Variants in RARS2 observed in about 807,000 individuals in gnomAD.
RARS2 encodes probable arginine--tRNA ligase, mitochondrial.
RARS2 carries 67 observed loss-of-function variants against 88.5 expected under a neutral mutation model. The ratio of observed to expected loss-of-function variants is 0.76; its 90% CI spans 0.62 to 0.93. RARS2 has a LOEUF of 0.93. Among genes scored for constraint, RARS2 ranks in the 40% least tolerant of loss-of-function variants. RARS2 has a pLI of 0.00. For synonymous variants in RARS2, 239 were observed against 230.3 expected (o/e 1.04, Z -0.34); for missense variants, 664 against 684.2 (o/e 0.97, Z 0.33).
intron 8 of RARS2, among the ~76,000 whole-genome samples, chr6:87,541,526 T>C (rs1450642635): frequency 6.6e-6 from 1 of 152,082 alleles, no homozygotes; most frequent in African/African-American, 2.4e-5. Context: ...AAGAACATAT[T>C]TTTTAAACCT....
At chr6:87,587,169 G>T (rs1254212690) in intron 1 of RARS2, among the ~76,000 whole-genome samples, 1 of 152,064 alleles carries the variant, frequency 6.6e-6, no homozygotes, top group Non-Finnish European at 1.5e-5. Flanking sequence ...ATAGGCATGA[G>T]CCACCATACC....
rs2128173641 is a variant in RARS2 at position 87,564,198 on chromosome 6, A to G, written c.145T>C (p.Leu49=). The G allele has an allele frequency of 6.2e-7, 1 of 1,613,714 alleles. No homozygotes were observed. The highest frequency in any genetic ancestry group is 2.2e-5 in the East Asian group (1 of 44,860). The change falls in exon 3 of 20, where the codon TTA becomes CTA. Residue 49 remains leucine (L), a synonymous_variant. Transcript: ENST00000369536. ...VADFQLSVDS[L]LEKDNDHSRP... Reference sequence around the variant, plus strand: ...GAATGGTCATTGTCTTTTTCCAATAAAGAATCCACAGAAAGCTGAAAATCA... The same window carrying G: ...GAATGGTCATTGTCTTTTTCCAATAGAGAATCCACAGAAAGCTGAAAATCA...
In RARS2 at chr6:87,555,423, A is replaced by G. The variant is rs756676518; in HGVS notation, c.380T>C (p.Ile127Thr). The stretch of plus-strand genomic sequence containing the variant: ...GCACCCTCACCTGAATTCAACCACA[A>G]TCTTCTTCTGGGGAAGTCCAGAGAA... Reference protein sequence around the residue: ...ELFSGLPQKKIVVEFSSPNVA... With the variant: ...ELFSGLPQKKTVVEFSSPNVA... The change falls in exon 5 of 20, where the codon ATT (isoleucine) becomes ACT (threonine). Residue 127 changes from isoleucine (I) to threonine (T), a missense_variant. By Grantham distance (89) the Ile-to-Thr change is moderately conservative. Transcript: ENST00000369536. 6 of 1,613,530 alleles carry G rather than the reference A, an allele frequency of 3.7e-6. No homozygotes were observed. The highest frequency in any genetic ancestry group is 1.3e-5 in the African/African-American group (1 of 74,874).
chr6:87,565,203 C>T (rs528041275), intron 2 of RARS2, among the ~76,000 whole-genome samples: 1 of 152,282 alleles, frequency 6.6e-6, no homozygotes, highest in Non-Finnish European at 1.5e-5. Context: ...TTCTACAATG[C>T]TTCCTCTACT....
At chr6:87,584,836 T>C (rs951518016) in intron 1 of RARS2, 4 of 361,922 alleles carry the variant, frequency 1.1e-5, no homozygotes, top group African/African-American at 8.7e-5. Context: ...CTATGGTATA[T>C]ACCATAGAGA....
chr6:87,566,827 CCA>C, intron 2 of RARS2, among the ~76,000 whole-genome samples: 1 of 121,228 alleles, frequency 8.2e-6, no homozygotes, highest in East Asian at 2.5e-4. Flanking sequence ...GCCTCAGCAA[CCA>C]ACAGAGCTAG....
In RARS2 at chr6:87,524,590, A is replaced by AT. The variant is rs2128035798; in HGVS notation, c.940dup (p.Met314AsnfsTer4). 2.5e-6 allele frequency: 4 copies of AT among 1,613,524 alleles called. No individual in the cohort carries two copies. Among genetic ancestry groups the AT allele is most frequent in the Non-Finnish European group, 3.4e-6 (4 of 1,179,496 alleles). ...ATAGAGAGAAGTCCCATCACTTCGC[A>AT]TTACAGTACAAATTGAGGAGGGGTC... is the stretch of plus-strand genomic sequence containing the variant. On this transcript the variant is annotated frameshift_variant, in exon 11 of 20. Transcript: ENST00000369536. LOFTEE classifies it high-confidence loss of function.
chr6:87,528,742 T>A (rs1192506845), intron 10 of RARS2, among the ~76,000 whole-genome samples: 1 of 152,226 alleles, frequency 6.6e-6, no homozygotes, highest in Admixed American at 6.5e-5. Flanking sequence ...AATGGGGAGA[T>A]GTTGGTTAAA....
chr6:87,550,116 GTATT>G lies in RARS2; in HGVS notation c.396-1474_396-1471del, dbSNP rs549889759. The stretch of plus-strand genomic sequence containing the variant: ...ATTATGAAATTATGAAACTACACAC[GTATT>G]TATTTAATCATTGTTTAGAAAGAAA... On this transcript the variant is annotated intron_variant, in intron 5 of 19. Transcript: ENST00000369536. 1.6e-4 allele frequency among the ~76,000 whole-genome samples: 25 copies of G among 152,144 alleles called. No homozygotes were observed. In the South Asian group the frequency reaches 4.3e-3, roughly 26 times the overall value.
chr6:87,520,039 T>A, intron 13 of RARS2, 141 bp downstream of exon 13: 1 of 800,750 alleles, frequency 1.2e-6, no homozygotes, highest in Non-Finnish European at 2.1e-6. Context: ...AACCAAGACA[T>A]AATACAAAAA....
chr6:87,570,203 G>A (rs893110553), intron 1 of RARS2, among the ~76,000 whole-genome samples: 5 of 152,096 alleles, frequency 3.3e-5, no homozygotes, highest in Admixed American at 1.3e-4. Context: ...ACAAAGTCTC[G>A]CTATGTTGCC....
rs2128058390 is a variant in RARS2, at chr6:87,529,798, A to C, written c.772-150T>G. The C allele has an allele frequency of 9.1e-6, 6 of 659,526 alleles. No individual in the cohort carries two copies. The South Asian group carries it at 9.9e-5, about 11-fold the overall frequency. 40.9% of individuals were successfully genotyped at this position (659,526 alleles called of 1,614,324 possible). ...GGGCTGAGTGTGGTGGCTCATGCCC[A>C]TAATCCCAGCACTTTGGGAGGCTGA... On this transcript the variant is annotated intron_variant, in intron 9 of 19. Coordinates refer to ENST00000369536, the MANE Select transcript of RARS2 (RefSeq NM_020320.5).
At chr6:87,519,323 CACCTAG>C (rs1371900826) in intron 14 of RARS2, 3 of 422,226 alleles carry the variant, frequency 7.1e-6, no homozygotes, top group Non-Finnish European at 1.3e-5. Flanking sequence ...TTCACGTAAT[CACCTAG>C]ACAACAGAAT....
chr6:87,585,337 T>G (rs2128227810), intron 1 of RARS2, among the ~76,000 whole-genome samples: 1 of 152,206 alleles, frequency 6.6e-6, no homozygotes, highest in African/African-American at 2.4e-5. Context: ...CTAAAACAAG[T>G]AAAACAAAAC....
At chr6:87,542,883 G>A (rs4637609) in intron 7 of RARS2, among the ~76,000 whole-genome samples, 10,215 of 150,002 alleles carry the variant, frequency 0.068, 386 homozygotes, top group East Asian at 0.094. Flanking sequence ...GTTAATGGGT[G>A]CAGCACACCA....
chr6:87,528,992 T>C (rs1390477439), intron 10 of RARS2, among the ~76,000 whole-genome samples: 2 of 152,184 alleles, frequency 1.3e-5, no homozygotes, highest in African/African-American at 4.8e-5. Context: ...CAATATGTCA[T>C]TCATCAATTA....
At chr6:87,573,152 G>A (rs1446088227) in intron 1 of RARS2, among the ~76,000 whole-genome samples, 1 of 152,158 alleles carries the variant, frequency 6.6e-6, no homozygotes, top group African/African-American at 2.4e-5. Context: ...TCCACAGGCT[G>A]TACAGGAAGC....
chr6:87,574,781 G>A (rs1221888579), intron 1 of RARS2, among the ~76,000 whole-genome samples: 7 of 152,078 alleles, frequency 4.6e-5, no homozygotes, highest in Non-Finnish European at 1.0e-4. Flanking sequence ...AAAAACAGGA[G>A]TGAATTTTAT....
intron 8 of RARS2, among the ~76,000 whole-genome samples, chr6:87,532,172 A>AGACT (rs1347401725): frequency 2.0e-5 from 3 of 152,208 alleles, no homozygotes; most frequent in African/African-American, 7.2e-5. Context: ...CTGGAATGAC[A>AGACT]GACTTAAATA....
Sources: allele counts gnomAD v4.1 joint callset (sites outside exome capture counted in the v4.1 genomes callset), GRCh38; gene constraint gnomAD v4.1.1; transcripts MANE v1.5; gene names NCBI Gene and HGNC (gene_info 2026-07-23, HGNC 2026-07-21).